Variants in TSPAN3 observed in about 807,000 individuals in gnomAD.
TSPAN3 encodes the protein tetraspanin 3, also known as tetraspanin-3.
Under a neutral mutation model 31.1 loss-of-function variants are expected in TSPAN3, and 9 were observed. The observed-to-expected ratio is 0.29, with a 90% CI of 0.17 to 0.50. TSPAN3 has a LOEUF of 0.50. Ranked by LOEUF, TSPAN3 falls within the 20% of genes least tolerant of loss-of-function variation. The pLI is 0.98. For missense variants in TSPAN3, 252 were observed against 313.5 expected (o/e 0.80, Z 1.48); for synonymous variants, 129 against 114.3 (o/e 1.13, Z -0.82).
intron 1 of TSPAN3, among the ~76,000 whole-genome samples, chr15:77,069,471 G>T (rs2076853578): frequency 6.6e-6 from 1 of 152,036 alleles, no homozygotes; most frequent in South Asian, 2.1e-4. Flanking sequence ...AAATAAATAA[G>T]CCTGTAACTC....
Position 77,071,098 on chromosome 15 carries a change from A to C in TSPAN3, c.-144T>G. The C allele has an allele frequency of 1.1e-5, 5 of 445,566 alleles. No homozygotes were observed. The highest frequency in any genetic ancestry group is 1.4e-5 in the Non-Finnish European group (4 of 285,790). 27.6% of individuals were successfully genotyped at this position (445,566 alleles called of 1,614,324 possible). On this transcript the variant is annotated 5_prime_UTR_variant, in exon 1 of 7. Transcript: ENST00000267970. ...GCCCCTGCGCCGTCGCGCAGCCCCGACCCCAGCAAGTGCCTCGCTCCTCCG... is the reference window on the plus strand; with the variant it reads ...GCCCCTGCGCCGTCGCGCAGCCCCGCCCCCAGCAAGTGCCTCGCTCCTCCG...
At chr15:77,058,094 C>G (rs531479172) in intron 1 of TSPAN3, among the ~76,000 whole-genome samples, 8 of 152,292 alleles carry the variant, frequency 5.3e-5, no homozygotes, top group African/African-American at 1.9e-4. Flanking sequence ...CCTCTTCAAC[C>G]CCACTGCAGT....
intron 3 of TSPAN3, 26 bp downstream of exon 3, chr15:77,055,763 T>C: frequency 6.4e-7 from 1 of 1,560,732 alleles, no homozygotes; most frequent in African/African-American, 1.4e-5. Context: ...TTTAAGGCAT[T>C]ATGTGAATTA....
Position 77,046,752 on chromosome 15 carries a change from C to A in TSPAN3, c.*83G>T. ...TGTACATGTGCTTTAACTAAATGAA[C>A]TCCAGAGGCCAACAGCAGCAGACCT... is the stretch of plus-strand genomic sequence containing the variant. On this transcript the variant is annotated 3_prime_UTR_variant, in exon 7 of 7. Coordinates refer to ENST00000267970, the MANE Select transcript of TSPAN3 (RefSeq NM_005724.6). 2 of 1,068,770 alleles carry A rather than the reference C, an allele frequency of 1.9e-6. No homozygotes were observed. Among genetic ancestry groups the A allele is most frequent in the Non-Finnish European group, 2.8e-6 (2 of 716,248 alleles). The allele number at this position is 1,068,770 out of a possible 1,614,324, so 66.2% of individuals were successfully genotyped here.
At chr15:77,048,160 T>C (rs1430424045) in intron 6 of TSPAN3, among the ~76,000 whole-genome samples, 2 of 152,206 alleles carry the variant, frequency 1.3e-5, no homozygotes, top group African/African-American at 4.8e-5. Context: ...TGAATATTAT[T>C]TAAAGTTTAC....
intron 1 of TSPAN3, among the ~76,000 whole-genome samples, chr15:77,060,935 C>A (rs2076796821): frequency 6.6e-6 from 1 of 152,158 alleles, no homozygotes; most frequent in Admixed American, 6.5e-5. Context: ...TATTCTTTAT[C>A]TTTTAATAAG....
chr15:77,071,087 G>C lies in TSPAN3; in HGVS notation c.-133C>G. On this transcript the variant is annotated 5_prime_UTR_variant, in exon 1 of 7. Transcript: ENST00000267970. ...CGCTCCCCGCAGCCCCTGCGCCGTC[G>C]CGCAGCCCCGACCCCAGCAAGTGCC... The C allele has an allele frequency of 1.9e-6, 1 of 513,512 alleles. No individual in the cohort carries two copies. Among genetic ancestry groups the C allele is most frequent in the Non-Finnish European group, 2.9e-6 (1 of 346,096 alleles). The allele number at this position is 513,512 out of a possible 1,614,324, so 31.8% of individuals were successfully genotyped here.
Position 77,042,940 on chromosome 15 carries a change from C to G in TSPAN3, c.*3895G>C, listed in dbSNP as rs1038223243. ...TAACTCCAAATTTCCCTGACCTTGCCCTTCCTTGTCACACTGAAGAGGGGG... is the reference window on the plus strand; with the variant it reads ...TAACTCCAAATTTCCCTGACCTTGCGCTTCCTTGTCACACTGAAGAGGGGG... On this transcript the variant is annotated 3_prime_UTR_variant, in exon 7 of 7. Transcript: ENST00000267970. 2 of 152,212 alleles carry G rather than the reference C, an allele frequency of 1.3e-5. No individual in the cohort carries two copies. Among genetic ancestry groups the G allele is most frequent in the East Asian group, 1.9e-4 (1 of 5,200 alleles). The allele number at this position is 152,212 out of a possible 1,614,324, so 9.4% of individuals were successfully genotyped here.
intron 4 of TSPAN3, among the ~76,000 whole-genome samples, chr15:77,053,482 AAAAAAAAAAAAAG>A (rs1369157058): frequency 6.5e-5 from 9 of 137,776 alleles, no homozygotes; most frequent in African/African-American, 2.7e-4. Context: ...AAAAAAAAAA[AAAAAAAAAAAAAG>A]AAAAGAAAAG....
Position 77,046,869 on chromosome 15 carries a change from T to A in TSPAN3, c.728A>T (p.Tyr243Phe). 1 of 1,594,740 alleles carries A rather than the reference T, an allele frequency of 6.3e-7. No homozygotes were observed. Among genetic ancestry groups the A allele is most frequent in the Non-Finnish European group, 8.6e-7 (1 of 1,168,210 alleles). ...VLCRRSRDPA[Y>F]ELLITGGTYA Reference sequence around the variant, plus strand: ...GGTTCCGCCAGTGATGAGGAGCTCGTAAGCAGGATCTCTACTCCTTCTGCA... The same window carrying A: ...GGTTCCGCCAGTGATGAGGAGCTCGAAAGCAGGATCTCTACTCCTTCTGCA... The change falls in exon 7 of 7, where the codon TAC (tyrosine) becomes TTC (phenylalanine). Residue 243 changes from tyrosine to phenylalanine, a missense_variant. Tyr to Phe is a conservative substitution (Grantham distance 22). Coordinates refer to ENST00000267970, the MANE Select transcript of TSPAN3 (RefSeq NM_005724.6).
intron 1 of TSPAN3, among the ~76,000 whole-genome samples, 155 bp from the exon 2 acceptor site, chr15:77,056,410 T>G (rs1039908842): frequency 6.6e-6 from 1 of 151,824 alleles, no homozygotes; most frequent in African/African-American, 2.4e-5. Flanking sequence ...TAAGAGCATT[T>G]CTATACTAGA....
At chr15:77,061,113 C>G (rs1424869916) in intron 1 of TSPAN3, among the ~76,000 whole-genome samples, 1 of 152,128 alleles carries the variant, frequency 6.6e-6, no homozygotes, top group Non-Finnish European at 1.5e-5. Context: ...TACATATGCA[C>G]AAATGTGAAA....
rs150614276 is a variant in TSPAN3, at chr15:77,056,205, A to G, written c.114T>C (p.Tyr38=). The change falls in exon 2 of 7, where the codon TAT becomes TAC. Residue 38 remains tyrosine (Y), a synonymous_variant. Coordinates refer to ENST00000267970, the MANE Select transcript of TSPAN3 (RefSeq NM_005724.6). The part of the protein sequence containing the change: ...CYVGAYVFIT[Y]DDYDHFFEDV... ...CTTCAAAGAAGTGGTCATAGTCATCATAAGTGATGAAGACATAGGCTCCCA... is the reference window on the plus strand; with the variant it reads ...CTTCAAAGAAGTGGTCATAGTCATCGTAAGTGATGAAGACATAGGCTCCCA... 87 of 1,613,554 alleles carry G rather than the reference A, an allele frequency of 5.4e-5. No homozygotes were observed. In the African/African-American group the frequency reaches 6.9e-4, roughly 13 times the overall value.
chr15:77,055,022 T>A (rs1261316675), intron 3 of TSPAN3: 1 of 151,736 alleles, frequency 6.6e-6, no homozygotes, highest in African/African-American at 2.4e-5. Context: ...AGGGACATAA[T>A]CCATTGCATT....
chr15:77,041,451 T>C lies in TSPAN3; in HGVS notation c.*5384A>G, dbSNP rs2076659941. On this transcript the variant is annotated 3_prime_UTR_variant, in exon 7 of 7. Coordinates refer to ENST00000267970, the MANE Select transcript of TSPAN3 (RefSeq NM_005724.6). ...CCCAGGCTGGAGTGCAGTGGCATAA[T>C]CTCGGCTCACTGCAACCTCTGCCTC... 1 of 149,880 alleles carries C rather than the reference T, an allele frequency of 6.7e-6. No individual in the cohort carries two copies. Among genetic ancestry groups the C allele is most frequent in the Admixed American group, 6.7e-5 (1 of 14,946 alleles). The allele number at this position is 149,880 out of a possible 1,614,324, so 9.3% of individuals were successfully genotyped here. A position where few individuals can be genotyped will look rare whatever the true frequency, so the allele number is the denominator to read the frequency against.
Position 77,070,971 on chromosome 15 carries a change from G to C in TSPAN3, c.-17C>G. The C allele has an allele frequency of 7.0e-7, 1 of 1,423,688 alleles. No individual in the cohort carries two copies. The highest frequency in any genetic ancestry group is 9.2e-7 in the Non-Finnish European group (1 of 1,081,378). 88.2% of individuals were successfully genotyped at this position (1,423,688 alleles called of 1,614,324 possible). A position where few individuals can be genotyped will look rare whatever the true frequency, so the allele number is the denominator to read the frequency against. ...CTGGCCCATGGCGCCGGTGGCCCGC[G>C]AAGGCCCGGCCCGGAGAGCGGGGCT... On this transcript the variant is annotated 5_prime_UTR_variant, in exon 1 of 7. Transcript: ENST00000267970.
Position 77,052,875 on chromosome 15 carries a change from T to C in TSPAN3, c.487A>G (p.Lys163Glu), listed in dbSNP as rs1568540311. 8.7e-6 allele frequency: 14 copies of C among 1,614,098 alleles called. No individual in the cohort carries two copies. The highest frequency in any genetic ancestry group is 1.1e-5 in the Non-Finnish European group (13 of 1,179,982). ...YSDWENTDWFKETKNQSVPLS... is the reference protein window; with the variant it reads ...YSDWENTDWFEETKNQSVPLS... ...GGGACACTCTGGTTTTTGGTTTCTT[T>C]GAACCAATCTGTATTTTCCCAGTCT... Residue 163 changes from lysine (K) to glutamate (E), a missense_variant, in exon 5 of 7, where the codon AAA (lysine) becomes GAA (glutamate). Coordinates refer to ENST00000267970, the MANE Select transcript of TSPAN3 (RefSeq NM_005724.6).
At chr15:77,063,568 C>T (rs2076812918) in intron 1 of TSPAN3, 1 of 152,004 alleles carries the variant, frequency 6.6e-6, no homozygotes, top group South Asian at 2.1e-4. Context: ...ATTATTATTG[C>T]CATTATTCTT....
intron 6 of TSPAN3, 97 bp downstream of exon 6, chr15:77,052,288 T>C (rs2076736949): frequency 9.5e-7 from 1 of 1,053,982 alleles, no homozygotes; most frequent in East Asian, 2.4e-5. Flanking sequence ...ATTACCTACA[T>C]ACACAAAGAT....
Sources: gnomAD v4.1 joint callset for allele counts (sites outside exome capture counted in the v4.1 genomes callset) on GRCh38, gnomAD v4.1.1 for gene constraint, MANE v1.5 for transcripts, NCBI Gene and HGNC (gene_info 2026-07-23, HGNC 2026-07-21) for gene names.